Variants in MAP3K20 observed in about 807,000 individuals in gnomAD.
MAP3K20 encodes mitogen-activated protein kinase kinase kinase 20, also known as HCCS-4.
MAP3K20 carries 40 observed loss-of-function variants against 85.7 expected under a neutral mutation model. The observed-to-expected ratio is 0.47, with a 90% CI of 0.36 to 0.61. The LOEUF is 0.61. Ranked by LOEUF, MAP3K20 falls within the 20% of genes least tolerant of loss-of-function variation. The pLI is 0.00. For missense variants in MAP3K20, 817 were observed against 961.7 expected, an observed-to-expected ratio of 0.85 and a Z score of 1.99; for synonymous variants, 325 against 327.7, an observed-to-expected ratio of 0.99 and a Z score of 0.09.
At chr2:173,261,440 A>G (rs369847787) in intron 18 of MAP3K20, among the ~76,000 whole-genome samples, 14 of 152,210 alleles carry the variant, frequency 9.2e-5, no homozygotes, top group Non-Finnish European at 2.9e-5. Flanking sequence ...GGATACTAAT[A>G]GTTAATACTA....
chr2:173,229,674 A>G lies in MAP3K20; in HGVS notation c.988-15A>G, dbSNP rs762179713. On this transcript the variant is annotated splice_polypyrimidine_tract_variant and intron_variant, in intron 11 of 19. Coordinates refer to ENST00000375213, the MANE Select transcript of MAP3K20 (RefSeq NM_016653.3). ...ATTACTTTTTTTTTTCATTTCATGC[A>G]TATTTCCCATGCAGCTGCTGCCTTC... The G allele has an allele frequency of 1.4e-5, 23 of 1,613,742 alleles. No individual in the cohort carries two copies. The East Asian group carries it at 2.9e-4, about 20-fold the overall frequency.
At chr2:173,145,781 CAT>C (rs1397861582) in intron 2 of MAP3K20, among the ~76,000 whole-genome samples, 1 of 152,036 alleles carries the variant, frequency 6.6e-6, no homozygotes, top group Non-Finnish European at 1.5e-5. Context: ...AGAATGAAAA[CAT>C]ATATCCAAAA....
intron 11 of MAP3K20, among the ~76,000 whole-genome samples, chr2:173,218,952 G>A (rs183203135): frequency 2.3e-4 from 35 of 152,240 alleles, no homozygotes; most frequent in Non-Finnish European, 4.3e-4. Context: ...GAGGGCTACC[G>A]TCTAACAATG....
At chr2:173,206,595 C>A (rs1384427975) in intron 9 of MAP3K20, among the ~76,000 whole-genome samples, 3 of 151,452 alleles carry the variant, frequency 2.0e-5, no homozygotes, top group Admixed American at 2.0e-4. Flanking sequence ...ATCATCAAGT[C>A]TTCCTTGGTT....
intron 16 of MAP3K20, among the ~76,000 whole-genome samples, chr2:173,245,262 T>C (rs1684887771): frequency 6.6e-6 from 1 of 152,120 alleles, no homozygotes; most frequent in South Asian, 2.1e-4. Context: ...CAGATCAAGT[T>C]ATTTTTCTTA....
chr2:173,122,618 T>C (rs1292240727), intron 2 of MAP3K20, among the ~76,000 whole-genome samples: 1 of 152,176 alleles, frequency 6.6e-6, no homozygotes, highest in Non-Finnish European at 1.5e-5. Context: ...TGTGATTCTG[T>C]GACTCTCCAT....
chr2:173,183,015 G>T (rs1370794409), intron 4 of MAP3K20, 60 bp downstream of exon 4: 1 of 1,323,690 alleles, frequency 7.6e-7, no homozygotes, highest in East Asian at 2.4e-5. Flanking sequence ...CTCCTGAAAT[G>T]GGGACTTAAC....
chr2:173,217,328 T>C, intron 11 of MAP3K20, 78 bp downstream of exon 11: 2 of 1,339,974 alleles, frequency 1.5e-6, no homozygotes, highest in Middle Eastern at 2.3e-4. Context: ...ATGGCACCTC[T>C]TCCCCTGCCT....
At chr2:173,256,530 T>TAGACAGAC (rs1283624689) in intron 16 of MAP3K20, among the ~76,000 whole-genome samples, 73 of 148,340 alleles carry the variant, frequency 4.9e-4, no homozygotes, top group East Asian at 2.8e-3. Flanking sequence ...GATAGATAGA[T>TAGACAGAC]AGACAGACAG....
chr2:173,221,339 G>A lies in MAP3K20; in HGVS notation c.987+4089G>A, dbSNP rs778607657. On this transcript the variant is annotated intron_variant, in intron 11 of 19. Transcript: ENST00000375213. ...GGATATCTTCTCAATGAACAAAGCA[G>A]GAGCTGTGATGCATTCTGGGATGCA... The A allele has an allele frequency of 3.1e-6, 5 of 1,613,754 alleles. No homozygotes were observed. The Admixed American group carries it at 5.0e-5, about 16-fold the overall frequency.
At chr2:173,134,314 C>T (rs1228162784) in intron 2 of MAP3K20, among the ~76,000 whole-genome samples, 1 of 139,882 alleles carries the variant, frequency 7.1e-6, no homozygotes, top group East Asian at 2.0e-4. Flanking sequence ...TTCTCCAGCT[C>T]ACCCTCTCTA....
intron 18 of MAP3K20, 136 bp downstream of exon 18, chr2:173,261,273 T>A (rs748189491): frequency 1.1e-5 from 9 of 790,418 alleles, no homozygotes; most frequent in African/African-American, 3.5e-5. Flanking sequence ...CCAACCAACA[T>A]GAACATAGGA....
intron 9 of MAP3K20, among the ~76,000 whole-genome samples, chr2:173,209,128 A>G (rs895394870): frequency 6.6e-6 from 1 of 152,186 alleles, no homozygotes; most frequent in Non-Finnish European, 1.5e-5. Context: ...CACGTTTGTT[A>G]TATAGGTAGA....
In MAP3K20 at chr2:173,136,926, C is replaced by G. The variant is rs1023615377; in HGVS notation, c.160-32879C>G. On this transcript the variant is annotated intron_variant, in intron 2 of 19. Transcript: ENST00000375213. The stretch of plus-strand genomic sequence containing the variant: ...AGTTTGCCAGCTGCTTAGGTTAGGA[C>G]CACTATACCTGGTTTTGATGTGGTT... Among the ~76,000 whole-genome samples, 8 of 152,308 alleles carry G rather than the reference C, an allele frequency of 5.3e-5. No homozygotes were observed. The East Asian group carries it at 1.4e-3, about 26-fold the overall frequency.
At chr2:173,265,215 G>C (rs1333171792) in intron 19 of MAP3K20, among the ~76,000 whole-genome samples, 1 of 152,186 alleles carries the variant, frequency 6.6e-6, no homozygotes, top group Non-Finnish European at 1.5e-5. Context: ...GCGTGAGCAG[G>C]GGGTGGAGTA....
intron 2 of MAP3K20, among the ~76,000 whole-genome samples, chr2:173,141,616 GGAGAGA>G (rs1188451947): frequency 6.6e-6 from 1 of 151,768 alleles, no homozygotes; most frequent in East Asian, 1.9e-4. Context: ...CAGAAAGAAA[GGAGAGA>G]GAGAGAGGGG....
intron 8 of MAP3K20, among the ~76,000 whole-genome samples, chr2:173,200,676 G>A (rs1268380206): frequency 6.6e-6 from 1 of 152,120 alleles, no homozygotes; most frequent in African/African-American, 2.4e-5. Flanking sequence ...CATACCTGTA[G>A]TCCCATCTAC....
At chr2:173,142,731 A>G (rs13004602) in intron 2 of MAP3K20, among the ~76,000 whole-genome samples, 32 of 152,278 alleles carry the variant, frequency 2.1e-4, no homozygotes, top group African/African-American at 7.5e-4. Context: ...AAGGAAAAAC[A>G]GGGGAACAAA....
At chr2:173,237,892 T>C (rs907900324) in intron 14 of MAP3K20, among the ~76,000 whole-genome samples, 1 of 152,172 alleles carries the variant, frequency 6.6e-6, no homozygotes, top group Non-Finnish European at 1.5e-5. Context: ...ATGTCTTCTT[T>C]CTTGGCCTCA....
Sources: gnomAD v4.1 joint callset for allele counts (sites outside exome capture counted in the v4.1 genomes callset) on GRCh38, gnomAD v4.1.1 for gene constraint, MANE v1.5 for transcripts, NCBI Gene and HGNC (gene_info 2026-07-23, HGNC 2026-07-21) for gene names.